The following STXBP6 variants were observed in gnomAD, a reference collection of about 807,000 sequenced individuals.
STXBP6 encodes syntaxin binding protein 6, also known as syntaxin-binding protein 6.
In STXBP6, 21 loss-of-function variants were observed where a neutral mutation model predicts 26.9. The observed-to-expected ratio is 0.78, with a 90% CI of 0.55 to 1.12. STXBP6 has a LOEUF of 1.12. STXBP6 is among the 50% of genes most tolerant of loss of function. The pLI is 0.00. For synonymous variants in STXBP6, 97 were observed against 92.6 expected, an observed-to-expected ratio of 1.05 and a Z score of -0.27; for missense variants, 232 against 257.9, an observed-to-expected ratio of 0.90 and a Z score of 0.69.
At chr14:24,994,214 C>A (rs987558822) in intron 1 of STXBP6, among the ~76,000 whole-genome samples, 5 of 152,152 alleles carry the variant, frequency 3.3e-5, no homozygotes, top group African/African-American at 1.2e-4. Context: ...GGATTGATTT[C>A]TTACCTCCGA....
intron 1 of STXBP6, among the ~76,000 whole-genome samples, chr14:24,996,885 A>AAAG (rs1389998813): frequency 1.3e-5 from 2 of 151,228 alleles, no homozygotes; most frequent in African/African-American, 4.9e-5. Context: ...AAAAAAAAAA[A>AAAG]AGAGAAGGGA....
chr14:24,819,885 C>A (rs1295032094), intron 4 of STXBP6, among the ~76,000 whole-genome samples: 1 of 152,120 alleles, frequency 6.6e-6, no homozygotes, highest in Non-Finnish European at 1.5e-5. Context: ...AGCCTCAGGA[C>A]CATACTTAAC....
intron 2 of STXBP6, among the ~76,000 whole-genome samples, chr14:24,895,560 T>G (rs1241590): frequency 6.6e-6 from 1 of 151,962 alleles, no homozygotes; most frequent in African/African-American, 2.4e-5. Context: ...TGCCAAATGC[T>G]TTCTAGTAGA....
chr14:25,018,969 C>T (rs766365729), intron 1 of STXBP6, among the ~76,000 whole-genome samples: 4 of 152,148 alleles, frequency 2.6e-5, no homozygotes, highest in Non-Finnish European at 5.9e-5. Context: ...CAATTTAACT[C>T]AATTCCTTTC....
intron 1 of STXBP6, among the ~76,000 whole-genome samples, chr14:24,975,344 T>C (rs1005713594): frequency 2.6e-5 from 4 of 152,224 alleles, no homozygotes; most frequent in African/African-American, 9.6e-5. Context: ...TATCATCTTC[T>C]ACACAATAAC....
At chr14:24,865,560 A>G (rs1333177434) in intron 2 of STXBP6, among the ~76,000 whole-genome samples, 1 of 152,148 alleles carries the variant, frequency 6.6e-6, no homozygotes, top group Non-Finnish European at 1.5e-5. Flanking sequence ...AAACTATCTG[A>G]GGTTTAAAAA....
chr14:24,943,580 G>A (rs1403437331), intron 2 of STXBP6, among the ~76,000 whole-genome samples: 5 of 152,058 alleles, frequency 3.3e-5, no homozygotes, highest in African/African-American at 9.7e-5. Flanking sequence ...TTGTTAAAAA[G>A]GTAAACTCAA....
intron 1 of STXBP6, among the ~76,000 whole-genome samples, chr14:24,995,734 G>A (rs1277880968): frequency 5.3e-5 from 8 of 151,958 alleles, no homozygotes; most frequent in Middle Eastern, 6.8e-3. Flanking sequence ...CCAAGCACAT[G>A]AACAAAAAAA....
At chr14:25,029,210 T>C (rs184751744) in intron 1 of STXBP6, among the ~76,000 whole-genome samples, 1 of 152,258 alleles carries the variant, frequency 6.6e-6, no homozygotes, top group Non-Finnish European at 1.5e-5. Context: ...CATCACAAGC[T>C]GCAGGGAAAT....
At chr14:25,034,257 C>A (rs1028709106) in intron 1 of STXBP6, among the ~76,000 whole-genome samples, 2 of 152,160 alleles carry the variant, frequency 1.3e-5, no homozygotes, top group Non-Finnish European at 2.9e-5. Context: ...AACACCCCCA[C>A]ACAAGAACCA....
At chr14:24,904,553 G>A (rs544859699) in intron 2 of STXBP6, among the ~76,000 whole-genome samples, 11 of 152,276 alleles carry the variant, frequency 7.2e-5, no homozygotes, top group South Asian at 6.2e-4. Context: ...CAATGTGACC[G>A]CATTTGGAGA....
At chr14:24,925,227 C>T (rs1243604810) in intron 2 of STXBP6, among the ~76,000 whole-genome samples, 1 of 152,188 alleles carries the variant, frequency 6.6e-6, no homozygotes, top group African/African-American at 2.4e-5. Flanking sequence ...ACATCCAGCT[C>T]TTGACAGTCC....
intron 2 of STXBP6, among the ~76,000 whole-genome samples, chr14:24,882,579 C>A (rs1473815658): frequency 6.6e-6 from 1 of 151,884 alleles, no homozygotes; most frequent in African/African-American, 2.4e-5. Context: ...TCTTGCCAAG[C>A]CTGAACTGAC....
intron 1 of STXBP6, among the ~76,000 whole-genome samples, chr14:25,039,103 C>T (rs1287301235): frequency 6.6e-6 from 1 of 151,948 alleles, no homozygotes; most frequent in African/African-American, 2.4e-5. Flanking sequence ...ATACATATAT[C>T]AAAACATCAT....
intron 1 of STXBP6, among the ~76,000 whole-genome samples, chr14:24,999,019 T>C (rs1292288885): frequency 2.0e-5 from 3 of 152,174 alleles, no homozygotes; most frequent in Admixed American, 1.3e-4. Context: ...CATATATACA[T>C]ACATTTTTAT....
At chr14:24,856,925 C>T in intron 3 of STXBP6, 102 bp downstream of exon 3, 1 of 1,371,666 alleles carries the variant, frequency 7.3e-7, no homozygotes, top group Non-Finnish European at 9.8e-7. Context: ...GAGAAATAGC[C>T]TTCTTAAGAA....
intron 1 of STXBP6, among the ~76,000 whole-genome samples, chr14:25,000,438 C>T (rs1392490112): frequency 6.6e-6 from 1 of 150,614 alleles, no homozygotes; most frequent in Non-Finnish European, 1.5e-5. Context: ...ATGGCTGGGA[C>T]TTGGAAAACA....
intron 2 of STXBP6, among the ~76,000 whole-genome samples, chr14:24,894,876 C>T (rs1241595): frequency 0.67 from 100,441 of 150,672 alleles, 33,391 homozygotes; most frequent in East Asian, 0.77. Flanking sequence ...AACTCTTCTC[C>T]TTATTTCTCT....
intron 2 of STXBP6, among the ~76,000 whole-genome samples, chr14:24,890,252 C>T (rs1296521869): frequency 6.6e-6 from 1 of 152,242 alleles, no homozygotes; most frequent in African/African-American, 2.4e-5. Flanking sequence ...AAATCTAAAT[C>T]ACATTCAGAA....
Sources: allele counts gnomAD v4.1 joint callset (sites outside exome capture counted in the v4.1 genomes callset), GRCh38; gene constraint gnomAD v4.1.1; transcripts MANE v1.5; gene names NCBI Gene and HGNC (gene_info 2026-07-23, HGNC 2026-07-21).